TMCC1: variants seen among roughly 807,000 people sequenced by gnomAD.
TMCC1 encodes the protein transmembrane and coiled-coil domain family 1, also known as transmembrane and coiled-coil domains protein 1.
A neutral mutation model predicts 52.4 loss-of-function variants in TMCC1; 15 were observed. The ratio of observed to expected loss-of-function variants is 0.29; its 90% confidence interval spans 0.19 to 0.44. The LOEUF is 0.44. Ranked by LOEUF, TMCC1 falls within the 20% of genes least tolerant of loss-of-function variation. The probability of loss-of-function intolerance (pLI) is 1.00; values close to 1 mark genes in which losing one functional copy is unlikely to be tolerated. For synonymous variants in TMCC1, 279 were observed against 301.9 expected (o/e 0.92, Z 0.79); for missense variants, 503 against 806.0 (o/e 0.62, Z 4.55).
intron 1 of TMCC1, among the ~76,000 whole-genome samples, chr3:129,887,339 C>G (rs182779589): frequency 4.0e-5 from 6 of 151,814 alleles, no homozygotes; most frequent in African/African-American, 1.5e-4. Flanking sequence ...GTCAAGAGAT[C>G]GAGACCACCC....
intron 4 of TMCC1, among the ~76,000 whole-genome samples, chr3:129,680,771 C>T (rs2108917982): frequency 6.6e-6 from 1 of 152,152 alleles, no homozygotes; most frequent in East Asian, 1.9e-4. Flanking sequence ...CATGGTGGTG[C>T]ACGCCTGTAA....
intron 4 of TMCC1, among the ~76,000 whole-genome samples, chr3:129,730,799 TCAAA>T (rs1477980375): frequency 6.6e-6 from 1 of 152,164 alleles, no homozygotes; most frequent in African/African-American, 2.4e-5. Flanking sequence ...GACCAAATTC[TCAAA>T]CAACAAACTA....
intron 2 of TMCC1, among the ~76,000 whole-genome samples, chr3:129,875,627 G>A (rs1280436133): frequency 1.3e-5 from 2 of 151,278 alleles, no homozygotes; most frequent in Non-Finnish European, 2.9e-5. Context: ...CATTAGGGTA[G>A]AAACTTTTAT....
chr3:129,850,686 G>C (rs558828653), intron 2 of TMCC1, among the ~76,000 whole-genome samples: 74 of 152,342 alleles, frequency 4.9e-4, no homozygotes, highest in African/African-American at 1.7e-3. Context: ...AGAGAGGTGT[G>C]AAGTGGAAAA....
intron 5 of TMCC1, among the ~76,000 whole-genome samples, chr3:129,658,648 C>A (rs1442210526): frequency 6.6e-6 from 1 of 152,144 alleles, no homozygotes; most frequent in East Asian, 1.9e-4. Context: ...TTACAAATAA[C>A]ATGAGGCAAG....
At chr3:129,837,146 T>C (rs531168005) in intron 2 of TMCC1, among the ~76,000 whole-genome samples, 62 of 152,144 alleles carry the variant, frequency 4.1e-4, no homozygotes, top group Non-Finnish European at 6.9e-4. Flanking sequence ...GAGGATACTA[T>C]TGAATCCCCA....
At chr3:129,716,105 C>T (rs2049060645) in intron 4 of TMCC1, among the ~76,000 whole-genome samples, 1 of 151,950 alleles carries the variant, frequency 6.6e-6, no homozygotes, top group Non-Finnish European at 1.5e-5. Flanking sequence ...ACAAAAAGGA[C>T]ACTGGCAATG....
chr3:129,719,098 G>A (rs370001832), intron 4 of TMCC1, among the ~76,000 whole-genome samples: 157 of 152,326 alleles, frequency 1.0e-3, no homozygotes, highest in African/African-American at 3.4e-3. Flanking sequence ...CAGCTTCAGG[G>A]TGAGGCTGGT....
At chr3:129,747,776 C>T (rs946068743) in intron 4 of TMCC1, among the ~76,000 whole-genome samples, 4 of 152,122 alleles carry the variant, frequency 2.6e-5, no homozygotes, top group Non-Finnish European at 5.9e-5. Flanking sequence ...CTTATCATCA[C>T]GCTGTACAGC....
intron 4 of TMCC1, among the ~76,000 whole-genome samples, chr3:129,769,430 A>G (rs528416642): frequency 6.6e-6 from 1 of 152,050 alleles, no homozygotes; most frequent in East Asian, 1.9e-4. Flanking sequence ...GGGTTTCACC[A>G]TGTTGGCCAG....
At chr3:129,747,149 G>A (rs781447397) in intron 4 of TMCC1, among the ~76,000 whole-genome samples, 2 of 152,082 alleles carry the variant, frequency 1.3e-5, no homozygotes, top group Non-Finnish European at 2.9e-5. Flanking sequence ...ATTAACGTAA[G>A]CTGCAGGAGG....
chr3:129,652,568 T>C (rs1325505170), intron 6 of TMCC1, among the ~76,000 whole-genome samples: 1 of 152,204 alleles, frequency 6.6e-6, no homozygotes, highest in Non-Finnish European at 1.5e-5. Flanking sequence ...CAGACAAGGT[T>C]AAATCTCACC....
At chr3:129,834,840 A>T (rs143499100) in intron 2 of TMCC1, among the ~76,000 whole-genome samples, 60 of 152,320 alleles carry the variant, frequency 3.9e-4, no homozygotes, top group Admixed American at 6.5e-4. Context: ...CTCAGCTGGA[A>T]ACGTATTACG....
At chr3:129,798,310 G>A (rs775371010) in intron 4 of TMCC1, among the ~76,000 whole-genome samples, 1 of 151,984 alleles carries the variant, frequency 6.6e-6, no homozygotes, top group Non-Finnish European at 1.5e-5. Flanking sequence ...TCTGGTTTTT[G>A]AGTGGTAAGA....
rs115421285 is a variant in TMCC1 at position 129,700,888 on chromosome 3, C to T, written c.577-29624G>A. Among the ~76,000 whole-genome samples, 694 of 152,278 alleles carry T rather than the reference C, an allele frequency of 4.6e-3. 8 individuals carry two copies. Among genetic ancestry groups the T allele is most frequent in the African/African-American group, 0.016 (660 of 41,548 alleles). On this transcript the variant is annotated intron_variant, in intron 4 of 6. Transcript: ENST00000393238. ...CCTCCCCCATTATTCGGAAGCAAAT[C>T]CTTGACAAAAGATGTTCTTAATAAA...
chr3:129,681,920 A>ATTTT (rs1491582054), intron 4 of TMCC1, among the ~76,000 whole-genome samples: 1 of 150,800 alleles, frequency 6.6e-6, no homozygotes, highest in African/African-American at 2.4e-5. Flanking sequence ...AAAAAAAAAA[A>ATTTT]TTTTTAATTA....
chr3:129,878,977 A>G (rs982400867), intron 2 of TMCC1, among the ~76,000 whole-genome samples: 2 of 152,172 alleles, frequency 1.3e-5, no homozygotes, highest in Non-Finnish European at 2.9e-5. Flanking sequence ...ATATATGTGT[A>G]TGGCTCACTC....
rs2086149351 is a variant in TMCC1 at position 129,648,534 on chromosome 3, G to T, written c.*2947C>A. 1 of 152,154 alleles carries T rather than the reference G, an allele frequency of 6.6e-6. No individual in the cohort carries two copies. The highest frequency in any genetic ancestry group is 1.5e-5 in the Non-Finnish European group (1 of 68,048). 9.4% of individuals were successfully genotyped at this position (152,154 alleles called of 1,614,324 possible). ...GGAATGGAAATTGGAGCAGACAGAAGTACCCTTCAATTATCATAAACAATG... is the reference window on the plus strand; with the variant it reads ...GGAATGGAAATTGGAGCAGACAGAATTACCCTTCAATTATCATAAACAATG... On this transcript the variant is annotated 3_prime_UTR_variant, in exon 7 of 7. Transcript: ENST00000393238.
At chr3:129,729,870 G>A (rs1244217350) in intron 4 of TMCC1, among the ~76,000 whole-genome samples, 1 of 152,136 alleles carries the variant, frequency 6.6e-6, no homozygotes, top group East Asian at 1.9e-4. Context: ...AGCACTTTAG[G>A]AGGCTGAGAT....
Sources: gnomAD v4.1 joint callset for allele counts (sites outside exome capture counted in the v4.1 genomes callset) on GRCh38, gnomAD v4.1.1 for gene constraint, MANE v1.5 for transcripts, NCBI Gene and HGNC (gene_info 2026-07-23, HGNC 2026-07-21) for gene names.